The following LIX1 variants were observed in gnomAD, a reference collection of about 807,000 sequenced individuals.
LIX1 encodes the protein protein limb expression 1 homolog.
LIX1 carries 24 observed loss-of-function variants against 33.4 expected under a neutral mutation model. The observed-to-expected ratio is 0.72, with a 90% confidence interval of 0.52 to 1.01. The LOEUF is 1.01. Ranked by LOEUF, LIX1 falls within the 50% of genes least tolerant of loss-of-function variation. The probability of loss-of-function intolerance (pLI) is 0.00; values close to 1 mark genes in which losing one functional copy is unlikely to be tolerated. For synonymous variants in LIX1, 124 were observed against 124.0 expected, an observed-to-expected ratio of 1.00 and a Z score of 0.00; for missense variants, 311 against 339.2, an observed-to-expected ratio of 0.92 and a Z score of 0.65.
chr5:97,142,472 AC>A, intron 1 of LIX1, 22 bp downstream of exon 1: 1 of 1,587,536 alleles, frequency 6.3e-7, no homozygotes, highest in South Asian at 1.1e-5. Context: ...AAGTCAAAAA[AC>A]TTTTCCCCCT....
At chr5:97,106,932 T>G (rs1272544222) in intron 3 of LIX1, among the ~76,000 whole-genome samples, 1 of 152,192 alleles carries the variant, frequency 6.6e-6, no homozygotes, top group African/African-American at 2.4e-5. Flanking sequence ...CCACACTGGC[T>G]GGGGAATTCG....
chr5:97,142,601 CTGTACAGAGTG>C (rs1748317469), exon 1 of LIX1: 1 of 1,582,828 alleles, frequency 6.3e-7, no homozygotes, highest in African/African-American at 1.3e-5. Flanking sequence ...TGTGAGCCTC[CTGTACAGAGTG>C]TCCTCATGCC....
intron 2 of LIX1, among the ~76,000 whole-genome samples, chr5:97,113,795 G>A (rs898097831): frequency 2.0e-5 from 3 of 152,148 alleles, no homozygotes; most frequent in Non-Finnish European, 2.9e-5. Context: ...TTTAGACAAA[G>A]CTTCAACTTT....
chr5:97,104,443 T>G (rs1445566862), intron 4 of LIX1, among the ~76,000 whole-genome samples: 1 of 152,204 alleles, frequency 6.6e-6, no homozygotes, highest in Non-Finnish European at 1.5e-5. Flanking sequence ...GGATAATAGA[T>G]GTGTGAGCTC....
chr5:97,098,592 A>G (rs1358578515), intron 4 of LIX1, among the ~76,000 whole-genome samples: 1 of 152,238 alleles, frequency 6.6e-6, no homozygotes, highest in African/African-American at 2.4e-5. Context: ...TGTCCATTCA[A>G]AAAAGCTTTT....
At chr5:97,124,073 T>A (rs1295428742) in intron 2 of LIX1, among the ~76,000 whole-genome samples, 3 of 152,206 alleles carry the variant, frequency 2.0e-5, no homozygotes, top group African/African-American at 7.2e-5. Flanking sequence ...GGTTAAAATA[T>A]AAATAGTATC....
intron 2 of LIX1, among the ~76,000 whole-genome samples, chr5:97,111,067 T>C (rs1384203367): frequency 1.3e-5 from 2 of 152,092 alleles, no homozygotes; most frequent in African/African-American, 4.8e-5. Flanking sequence ...CACTCTCAAG[T>C]CTAGGCTTGG....
chr5:97,134,376 T>G (rs968973428), intron 1 of LIX1, among the ~76,000 whole-genome samples: 3 of 152,184 alleles, frequency 2.0e-5, no homozygotes, highest in Admixed American at 1.3e-4. Flanking sequence ...CGCCTTGGCC[T>G]CCCAAAGGGC....
chr5:97,116,657 C>G (rs1747644220), intron 2 of LIX1, among the ~76,000 whole-genome samples: 1 of 151,972 alleles, frequency 6.6e-6, no homozygotes, highest in African/African-American at 2.4e-5. Flanking sequence ...TGCTTTGCTC[C>G]TTGAGGTTTT....
intron 1 of LIX1, among the ~76,000 whole-genome samples, chr5:97,132,536 G>A (rs191635338): frequency 6.6e-6 from 1 of 152,278 alleles, no homozygotes; most frequent in East Asian, 1.9e-4. Flanking sequence ...GGGAGCAATA[G>A]GAAAGAGTGC....
In LIX1 at chr5:97,133,512, G is replaced by C. The variant is rs143425535; in HGVS notation, c.83-8883C>G. Reference sequence around the variant, plus strand: ...TCATATTGCATCTTTGAAACTAACTGTTCCTGTTTTGGAAACTAAGTCATT... The same window carrying C: ...TCATATTGCATCTTTGAAACTAACTCTTCCTGTTTTGGAAACTAAGTCATT... On this transcript the variant is annotated intron_variant, in intron 1 of 5. Coordinates refer to ENST00000274382, the MANE Select transcript of LIX1 (RefSeq NM_153234.5). Among the ~76,000 whole-genome samples the C allele has an allele frequency of 3.4e-3, 513 of 152,322 alleles. 3 individuals are homozygous for C. The highest frequency in any genetic ancestry group is 0.012 in the African/African-American group (485 of 41,574).
At position 97,097,838 on chromosome 5, in the gene LIX1, A is replaced by C. The variant is rs138184192; in HGVS notation, c.484-951T>G. Among the ~76,000 whole-genome samples, 511 of 152,290 alleles carry C rather than the reference A, an allele frequency of 3.4e-3. 12 individuals are homozygous for C. Among genetic ancestry groups the C allele is most frequent in the Admixed American group, 0.03 (451 of 15,286 alleles). On this transcript the variant is annotated intron_variant, in intron 4 of 5. Transcript: ENST00000274382. ...TAAGCTGTTTATCTGAGCTTCCTAG[A>C]AATCAGGACAAAGAGAGAGATAACA...
intron 1 of LIX1, among the ~76,000 whole-genome samples, chr5:97,141,293 C>T (rs781590623): frequency 8.5e-5 from 13 of 152,126 alleles, no homozygotes; most frequent in Admixed American, 7.2e-4. Context: ...GCTTAAAAAA[C>T]ATAACAAACC....
chr5:97,110,620 G>T (rs1446914977), intron 2 of LIX1, among the ~76,000 whole-genome samples: 1 of 151,814 alleles, frequency 6.6e-6, no homozygotes, highest in Non-Finnish European at 1.5e-5. Context: ...GATTTTGTAT[G>T]TTTAGTAGAG....
At position 97,124,628 on chromosome 5, in the gene LIX1, C is replaced by T. The variant is rs201727962; in HGVS notation, c.84G>A (p.Leu28=). ...ATTCCTGTAACATTGACACAACGTTCACTGAAAAAGACAAGAAACACCATC... is the reference window on the plus strand; with the variant it reads ...ATTCCTGTAACATTGACACAACGTTTACTGAAAAAGACAAGAAACACCATC... ...HRDPALVFKD[L]NVVSMLQEFW... Residue 28 remains leucine, a splice_region_variant and synonymous_variant, in exon 2 of 6, where the codon TTG becomes TTA. Transcript: ENST00000274382. The T allele has an allele frequency of 2.4e-5, 39 of 1,607,256 alleles. No individual in the cohort carries two copies. The Admixed American group carries it at 4.7e-4, about 20-fold the overall frequency.
rs1359027202 is a variant in LIX1 at position 97,094,653 on chromosome 5, C to T, written c.*95G>A. The T allele has an allele frequency of 6.0e-6, 7 of 1,170,418 alleles. No homozygotes were observed. The highest frequency in any genetic ancestry group is 1.5e-5 in the African/African-American group (1 of 65,528). 72.5% of individuals were successfully genotyped at this position (1,170,418 alleles called of 1,614,324 possible). ...GGGTTAGGAGAGCCTTCAGGTAGTA[C>T]TAGAGATGCTGGAGCCTCTGAGGAC... On this transcript the variant is annotated 3_prime_UTR_variant, in exon 6 of 6. Coordinates refer to ENST00000274382, the MANE Select transcript of LIX1 (RefSeq NM_153234.5).
chr5:97,106,106 A>G (rs1747006357), intron 3 of LIX1, among the ~76,000 whole-genome samples: 1 of 152,234 alleles, frequency 6.6e-6, no homozygotes, highest in African/African-American at 2.4e-5. Context: ...ATCTAGAAGC[A>G]TGCAACCATG....
chr5:97,128,383 T>C (rs1220959375), intron 1 of LIX1, among the ~76,000 whole-genome samples: 1 of 152,170 alleles, frequency 6.6e-6, no homozygotes, highest in Non-Finnish European at 1.5e-5. Flanking sequence ...TTCTCCTTGG[T>C]GTCTTTTGTG....
chr5:97,097,022 T>C, intron 4 of LIX1, 135 bp from the exon 5 acceptor site: 1 of 706,632 alleles, frequency 1.4e-6, no homozygotes, highest in Middle Eastern at 2.4e-4. Flanking sequence ...TTTGGGACTT[T>C]CCCAAGCCCA....
Sources: allele counts gnomAD v4.1 joint callset (sites outside exome capture counted in the v4.1 genomes callset), GRCh38; gene constraint gnomAD v4.1.1; transcripts MANE v1.5; gene names NCBI Gene and HGNC (gene_info 2026-07-23, HGNC 2026-07-21).